IL4R: variants seen among roughly 807,000 people sequenced by gnomAD.
IL4R encodes interleukin-4 receptor subunit alpha.
In IL4R, 17 loss-of-function variants were observed where a neutral mutation model predicts 41.5. That is an observed-to-expected ratio of 0.41 (90% CI 0.28 to 0.61). The LOEUF is 0.61. Among genes scored for constraint, IL4R ranks in the 20% least tolerant of loss-of-function variants. The probability of loss-of-function intolerance (pLI) is 0.31; values close to 1 mark genes in which losing one functional copy is unlikely to be tolerated. For missense variants in IL4R, 974 were observed against 1,043.1 expected (o/e 0.93, Z 0.91); for synonymous variants, 402 against 422.9 (o/e 0.95, Z 0.61).
At position 27,355,794 on chromosome 16, in the gene IL4R, C is replaced by T; in HGVS notation, c.671-14C>T. 6.3e-7 allele frequency: 1 copy of T among 1,594,354 alleles called. No homozygotes were observed. The highest frequency in any genetic ancestry group is 8.6e-7 in the Non-Finnish European group (1 of 1,163,466). ...TGGCTGACCTCAGCTCATGGCTTCC[C>T]CTCCCACTTCCAGCCTACAGGGAGC... is the stretch of plus-strand genomic sequence containing the variant. On this transcript the variant is annotated splice_polypyrimidine_tract_variant and intron_variant, in intron 7 of 10. Coordinates refer to ENST00000395762, the MANE Select transcript of IL4R (RefSeq NM_000418.4).
chr16:27,346,940 C>T (rs954399988), intron 6 of IL4R, among the ~76,000 whole-genome samples: 1 of 152,228 alleles, frequency 6.6e-6, no homozygotes, highest in Non-Finnish European at 1.5e-5. Flanking sequence ...TGACAGCTCA[C>T]TTGAATAACC....
At position 27,360,829 on chromosome 16, in the gene IL4R, C is replaced by G. The variant is rs1173184588; in HGVS notation, c.899+14C>G. On this transcript the variant is annotated intron_variant, in intron 10 of 10. Transcript: ENST00000395762. ...AGCCAAGTGCCCGTATGTATCTGAA[C>G]TTAGGTCACAGCCTGCATGCATTGG... 6.2e-7 allele frequency: 1 copy of G among 1,614,064 alleles called. No individual in the cohort carries two copies. Among genetic ancestry groups the G allele is most frequent in the Non-Finnish European group, 8.5e-7 (1 of 1,180,044 alleles).
In IL4R at chr16:27,363,251, T is replaced by C; in HGVS notation, c.1899T>C (p.Pro633=). The change falls in exon 11 of 11, where the codon CCT becomes CCC. Residue 633 remains proline, a synonymous_variant. Coordinates refer to ENST00000395762, the MANE Select transcript of IL4R (RefSeq NM_000418.4). ...GASSGEEGYK[P]FQDLIPGCPG... is the part of the protein sequence containing the mutation. Reference sequence around the variant, plus strand: ...GCAGTGGGGAAGAGGGGTATAAGCCTTTCCAAGACCTCATTCCTGGCTGCC... The same window carrying C: ...GCAGTGGGGAAGAGGGGTATAAGCCCTTCCAAGACCTCATTCCTGGCTGCC... 1 of 1,603,400 alleles carries C rather than the reference T, an allele frequency of 6.2e-7. No individual in the cohort carries two copies. The highest frequency in any genetic ancestry group is 8.5e-7 in the Non-Finnish European group (1 of 1,174,164).
chr16:27,348,417 T>C (rs533434510), intron 6 of IL4R, among the ~76,000 whole-genome samples: 10 of 152,274 alleles, frequency 6.6e-5, no homozygotes, highest in South Asian at 2.1e-4. Context: ...TCCAAAGATA[T>C]GTTATTTAAT....
At chr16:27,341,807 C>T (rs1418439995) in intron 3 of IL4R, among the ~76,000 whole-genome samples, 2 of 152,186 alleles carry the variant, frequency 1.3e-5, no homozygotes, top group African/African-American at 2.4e-5. Context: ...GAATGGCACT[C>T]CTTAAACTGC....
chr16:27,349,936 C>T (rs185700381), intron 6 of IL4R, among the ~76,000 whole-genome samples: 4 of 152,228 alleles, frequency 2.6e-5, no homozygotes, highest in South Asian at 2.1e-4. Flanking sequence ...TTTTTAGTAG[C>T]GACAGGGTCT....
Position 27,355,887 on chromosome 16 carries a change from G to A in IL4R, c.750G>A (p.Leu250=). The change falls in exon 8 of 11, where the codon TTG becomes TTA. Residue 250 remains leucine, a synonymous_variant. Transcript: ENST00000395762. The part of the protein sequence containing the change: ...SCIVILAVCL[L]CYVSITKIKK... ...TTGTCATCCTGGCCGTCTGCCTGTT[G>A]TGCTATGTCAGCATCACCAAGTGAG... The A allele has an allele frequency of 6.2e-7, 1 of 1,613,258 alleles. No homozygotes were observed. Among genetic ancestry groups the A allele is most frequent in the African/African-American group, 1.3e-5 (1 of 75,044 alleles).
intron 1 of IL4R, among the ~76,000 whole-genome samples, chr16:27,324,700 T>A (rs1196372217): frequency 6.6e-6 from 1 of 152,230 alleles, no homozygotes; most frequent in Non-Finnish European, 1.5e-5. Context: ...CTCTGTTTCC[T>A]CCTTTGGGCC....
At chr16:27,321,391 TAA>T (rs2080180388) in intron 1 of IL4R, among the ~76,000 whole-genome samples, 1 of 152,246 alleles carries the variant, frequency 6.6e-6, no homozygotes, top group African/African-American at 2.4e-5. Flanking sequence ...CAGGAAATTA[TAA>T]GTTTGGCCTG....
rs138416222 is a variant in IL4R, at chr16:27,329,633, C to T, written c.-151-433C>T. Among the ~76,000 whole-genome samples, 138 of 149,488 alleles carry T rather than the reference C, an allele frequency of 9.2e-4. 1 individual carries two copies. The highest frequency in any genetic ancestry group is 3.1e-3 in the African/African-American group (126 of 40,512). ...TGGAGGTTGCAGTGAGCCGACATCA[C>T]GCCACTGCTCTCCAGCTTGGGGAAC... On this transcript the variant is annotated intron_variant, in intron 1 of 10. Coordinates refer to ENST00000395762, the MANE Select transcript of IL4R (RefSeq NM_000418.4).
At chr16:27,327,882 T>C (rs2085004430) in intron 1 of IL4R, among the ~76,000 whole-genome samples, 1 of 152,064 alleles carries the variant, frequency 6.6e-6, no homozygotes, top group Admixed American at 6.6e-5. Context: ...TACAGTTAAC[T>C]ATGGACAAAA....
intron 6 of IL4R, among the ~76,000 whole-genome samples, chr16:27,348,266 G>A (rs1026130162): frequency 1.3e-5 from 2 of 152,198 alleles, no homozygotes; most frequent in African/African-American, 4.8e-5. Context: ...GGGGCATGGG[G>A]GGAAGGAGTG....
chr16:27,348,372 G>C (rs1466812249), intron 6 of IL4R, among the ~76,000 whole-genome samples: 1 of 152,204 alleles, frequency 6.6e-6, no homozygotes, highest in Non-Finnish European at 1.5e-5. Context: ...TCCCAAGGAT[G>C]GGCTGGGGGG....
Position 27,355,916 on chromosome 16 carries a change from T to C in IL4R, c.770+9T>C, listed in dbSNP as rs780176295. The stretch of plus-strand genomic sequence containing the variant: ...TATGTCAGCATCACCAAGTGAGTCC[T>C]GGGCCCAGTGCTGCCGAGCAGTCCC... On this transcript the variant is annotated intron_variant, in intron 8 of 10. Coordinates refer to ENST00000395762, the MANE Select transcript of IL4R (RefSeq NM_000418.4). The C allele has an allele frequency of 1.3e-6, 2 of 1,598,566 alleles. No individual in the cohort carries two copies. Among genetic ancestry groups the C allele is most frequent in the Admixed American group, 3.3e-5 (2 of 59,970 alleles).
In IL4R at chr16:27,328,248, A is replaced by AT. The variant is rs760692869; in HGVS notation, c.-151-1805dup. On this transcript the variant is annotated intron_variant, in intron 1 of 10. Transcript: ENST00000395762. The stretch of plus-strand genomic sequence containing the variant: ...AGATTGTTGAATTTATTATTGCTGA[A>AT]TTTTTTTTTTTTTGAGACAGAACTT... Among the ~76,000 whole-genome samples, 371 of 138,792 alleles carry AT rather than the reference A, an allele frequency of 2.7e-3. 3 individuals are homozygous for AT. The highest frequency in any genetic ancestry group is 7.4e-3 in the Middle Eastern group (2 of 270). The allele number at this position is 138,792 out of a possible 152,430, so 91.1% of individuals were successfully genotyped here.
Position 27,363,530 on chromosome 16 carries a change from G to GT in IL4R, c.2179dup (p.Cys727LeufsTer64). 1 of 1,614,192 alleles carries GT rather than the reference G, an allele frequency of 6.2e-7. No individual in the cohort carries two copies. Among genetic ancestry groups the GT allele is most frequent in the Non-Finnish European group, 8.5e-7 (1 of 1,180,032 alleles). ...GCCACCTGTGCGGCCACCTGAAACA[G>GT]TGTCATGGCCAGGAGGATGGTGGCC... On this transcript the variant is annotated frameshift_variant, in exon 11 of 11. Coordinates refer to ENST00000395762, the MANE Select transcript of IL4R (RefSeq NM_000418.4). LOFTEE classifies it low-confidence loss of function (END_TRUNC).
intron 1 of IL4R, chr16:27,315,261 A>G (rs928518962): frequency 6.6e-6 from 1 of 152,306 alleles, no homozygotes; most frequent in South Asian, 2.1e-4. Context: ...GGTGTCCTGC[A>G]CATTAGGGCA....
chr16:27,327,635 C>G (rs1334618282), intron 1 of IL4R, among the ~76,000 whole-genome samples: 1 of 152,060 alleles, frequency 6.6e-6, no homozygotes, highest in African/African-American at 2.4e-5. Flanking sequence ...GTTTTGGGGA[C>G]TGCATTTCAA....
intron 2 of IL4R, among the ~76,000 whole-genome samples, chr16:27,336,204 G>A (rs2085254431): frequency 6.6e-6 from 1 of 152,082 alleles, no homozygotes; most frequent in Admixed American, 6.6e-5. Flanking sequence ...GCCTACAGTT[G>A]GGCAAAGTCA....
Sources: allele counts gnomAD v4.1 joint callset (sites outside exome capture counted in the v4.1 genomes callset), GRCh38; gene constraint gnomAD v4.1.1; transcripts MANE v1.5; gene names NCBI Gene and HGNC (gene_info 2026-07-23, HGNC 2026-07-21).